Variants in CCDC125 observed in about 807,000 individuals in gnomAD.
The protein encoded by CCDC125 is coiled-coil domain-containing protein 125.
CCDC125 carries 43 observed loss-of-function variants against 57.4 expected under a neutral mutation model. That is an observed-to-expected ratio of 0.75 (90% CI 0.59 to 0.97). The LOEUF (loss-of-function observed/expected upper bound fraction) is 0.97. Among genes scored for constraint, CCDC125 ranks in the 50% least tolerant of loss-of-function variants. The pLI is 0.00. For synonymous variants in CCDC125, 187 were observed against 195.2 expected (o/e 0.96, Z 0.35); for missense variants, 563 against 595.7 (o/e 0.95, Z 0.57).
chr5:69,306,701 A>C (rs992325032), intron 6 of CCDC125, 116 bp downstream of exon 6: 1 of 1,159,130 alleles, frequency 8.6e-7, no homozygotes, highest in South Asian at 3.3e-5. Context: ...TAAGTGGATA[A>C]GCAATAAAAA....
intron 8 of CCDC125, 79 bp downstream of exon 8, chr5:69,299,933 G>A: frequency 9.2e-7 from 1 of 1,090,906 alleles, no homozygotes; most frequent in Non-Finnish European, 1.4e-6. Context: ...ATCCTACAAT[G>A]TGTACACAAG....
intron 1 of CCDC125, chr5:69,323,904 C>T (rs931624285): frequency 1.3e-5 from 2 of 152,098 alleles, no homozygotes; most frequent in Non-Finnish European, 2.9e-5. Context: ...CATTTCAAAA[C>T]AGCTGCTTTG....
chr5:69,277,076 T>C (rs2150249681), downstream of CCDC125: 1 of 1,408,900 alleles, frequency 7.1e-7, no homozygotes, highest in Non-Finnish European at 9.6e-7. Flanking sequence ...TGTGAACAAC[T>C]TTTTTTTTTC....
chr5:69,284,485 A>G lies in CCDC125; in HGVS notation c.1230+852T>C, dbSNP rs535658822. 4.6e-5 allele frequency among the ~76,000 whole-genome samples: 7 copies of G among 152,304 alleles called. No individual in the cohort carries two copies. The South Asian group carries it at 6.2e-4, about 14-fold the overall frequency. ...CAGGCAGACTTGTCACAAACTGTAT[A>G]TATATAAATGTAGATGGCAAAGCTG... On this transcript the variant is annotated intron_variant, in intron 11 of 11. Transcript: ENST00000396496.
At chr5:69,307,586 G>T (rs558988134) in intron 5 of CCDC125, 40 of 173,146 alleles carry the variant, frequency 2.3e-4, no homozygotes, top group Non-Finnish European at 1.7e-4. Context: ...GGAGCCTGAG[G>T]CAGGAGAATG....
At chr5:69,332,442 C>T (rs897092674) in intron 1 of CCDC125, among the ~76,000 whole-genome samples, 20 of 152,078 alleles carry the variant, frequency 1.3e-4, no homozygotes, top group African/African-American at 4.3e-4. Flanking sequence ...TCAAAATTAA[C>T]AGAAGAGAAA....
At chr5:69,300,383 C>T (rs1756195013) in intron 7 of CCDC125, among the ~76,000 whole-genome samples, 1 of 151,966 alleles carries the variant, frequency 6.6e-6, no homozygotes, top group Non-Finnish European at 1.5e-5. Context: ...CCTGTTTCCT[C>T]TTGGAAAATT....
At chr5:69,275,907 G>A (rs1341762744), downstream of CCDC125, among the ~76,000 whole-genome samples, 3 of 152,122 alleles carry the variant, frequency 2.0e-5, no homozygotes, top group Non-Finnish European at 4.4e-5. Flanking sequence ...CCCAAGGTAC[G>A]TCATGTATAT....
chr5:69,319,043 T>C (rs1759599078), intron 2 of CCDC125, among the ~76,000 whole-genome samples: 1 of 151,840 alleles, frequency 6.6e-6, no homozygotes, highest in East Asian at 1.9e-4. Context: ...TTCTTGTGCC[T>C]CGGCCTCCCG....
chr5:69,299,698 T>C (rs1406164640), intron 8 of CCDC125, among the ~76,000 whole-genome samples: 1 of 152,238 alleles, frequency 6.6e-6, no homozygotes, highest in Non-Finnish European at 1.5e-5. Flanking sequence ...ACAATTTGTA[T>C]GAAAGCACTC....
chr5:69,293,709 CTATTT>C (rs1300211693), intron 9 of CCDC125, among the ~76,000 whole-genome samples: 60 of 150,734 alleles, frequency 4.0e-4, no homozygotes, highest in African/African-American at 1.4e-3. Flanking sequence ...CTATTTTATT[CTATTT>C]TAAGTTCTAG....
intron 5 of CCDC125, 104 bp downstream of exon 5, chr5:69,307,847 A>C (rs1757577382): frequency 2.4e-6 from 2 of 821,948 alleles, no homozygotes; most frequent in Non-Finnish European, 4.1e-6. Context: ...CACACCTAGC[A>C]GAAGGTAGGC....
At chr5:69,276,346 A>C (rs987831211), downstream of CCDC125, among the ~76,000 whole-genome samples, 2 of 152,312 alleles carry the variant, frequency 1.3e-5, no homozygotes, top group South Asian at 4.1e-4. Context: ...TAATGGAATT[A>C]TCAGCCAATC....
intron 2 of CCDC125, among the ~76,000 whole-genome samples, chr5:69,319,143 G>T (rs1759618843): frequency 6.6e-6 from 1 of 152,046 alleles, no homozygotes. Flanking sequence ...GGCCAGGCTG[G>T]TCTCAAGCTC....
intron 1 of CCDC125, among the ~76,000 whole-genome samples, chr5:69,321,202 T>C (rs1030960614): frequency 6.6e-6 from 1 of 152,178 alleles, no homozygotes; most frequent in Non-Finnish European, 1.5e-5. Flanking sequence ...AAATGATAAG[T>C]ATTTGAGATG....
intron 3 of CCDC125, among the ~76,000 whole-genome samples, chr5:69,312,963 C>T (rs1220996129): frequency 6.6e-6 from 1 of 151,900 alleles, no homozygotes; most frequent in Non-Finnish European, 1.5e-5. Context: ...GGGTCATCTC[C>T]ACAACATTCC....
At chr5:69,311,005 T>C in intron 4 of CCDC125, 113 bp downstream of exon 4, 1 of 579,060 alleles carries the variant, frequency 1.7e-6, no homozygotes, top group Non-Finnish European at 3.0e-6. Flanking sequence ...TATACATACC[T>C]AAAAAAACCC....
At chr5:69,297,964 C>T (rs887221575) in intron 8 of CCDC125, among the ~76,000 whole-genome samples, 1 of 151,148 alleles carries the variant, frequency 6.6e-6, no homozygotes, top group Non-Finnish European at 1.5e-5. Context: ...CAGAGTAAGG[C>T]CCTGTCTCAA....
intron 1 of CCDC125, among the ~76,000 whole-genome samples, chr5:69,330,835 C>T (rs1285447202): frequency 6.6e-6 from 1 of 152,102 alleles, no homozygotes; most frequent in African/African-American, 2.4e-5. Flanking sequence ...TCTTTAATTC[C>T]CCAAGGCTAG....
Sources: gnomAD v4.1 joint callset for allele counts (sites outside exome capture counted in the v4.1 genomes callset) on GRCh38, gnomAD v4.1.1 for gene constraint, MANE v1.5 for transcripts, NCBI Gene and HGNC (gene_info 2026-07-23, HGNC 2026-07-21) for gene names.